The following TGM2 variants were observed in gnomAD, a reference collection of about 807,000 sequenced individuals.
The protein encoded by TGM2 is transglutaminase 2, also known as protein-glutamine gamma-glutamyltransferase 2.
A neutral mutation model predicts 75.6 loss-of-function variants in TGM2; 53 were observed. The ratio of observed to expected loss-of-function variants is 0.70; its 90% CI spans 0.56 to 0.88. The LOEUF is 0.88. Among genes scored for constraint, TGM2 ranks in the 40% least tolerant of loss-of-function variants. The probability of loss-of-function intolerance (pLI) is 0.00; values close to 1 mark genes in which losing one functional copy is unlikely to be tolerated. For missense variants in TGM2, 842 were observed against 928.5 expected, an observed-to-expected ratio of 0.91 and a Z score of 1.21; for synonymous variants, 374 against 381.1, an observed-to-expected ratio of 0.98 and a Z score of 0.22.
At position 38,148,005 on chromosome 20, in the gene TGM2, G is replaced by T. The variant is rs771803303; in HGVS notation, c.637C>A (p.Arg213Ser). 6.2e-7 allele frequency: 1 copy of T among 1,610,248 alleles called. No individual in the cohort carries two copies. The highest frequency in any genetic ancestry group is 1.3e-5 in the African/African-American group (1 of 74,890). Residue 213 changes from arginine (R) to serine (S), a missense_variant, in exon 5 of 13, where the codon CGC becomes AGC. Arg to Ser is a moderately radical substitution (Grantham distance 110, BLOSUM62 -1). Coordinates refer to ENST00000361475, the MANE Select transcript of TGM2 (RefSeq NM_004613.4). ...FLKNAGRDCS[R>S]RSSPVYVGRV... The stretch of plus-strand genomic sequence containing the variant: ...CCCACGTAGACGGGGCTGCTGCGGC[G>T]GGAGCAGTCACGGCCGGCGTTCTTC...
Position 38,161,433 on chromosome 20 carries a change from G to A in TGM2, c.177C>T (p.Phe59=). ...NYEASVDSLT[F]SVVTGPAPSQ... is the part of the protein sequence containing the mutation. ...GCAGGTACTCACCGGTCACGACACT[G>A]AAGGTGAGACTGTCTACACTGGCCT... Residue 59 remains phenylalanine (F), a synonymous_variant, in exon 2 of 13, where the codon TTC becomes TTT. Coordinates refer to ENST00000361475, the MANE Select transcript of TGM2 (RefSeq NM_004613.4). The A allele has an allele frequency of 6.2e-7, 1 of 1,614,146 alleles. No individual in the cohort carries two copies. The highest frequency in any genetic ancestry group is 8.5e-7 in the Non-Finnish European group (1 of 1,180,004).
rs151155189 is a variant in TGM2 at position 38,153,616 on chromosome 20, C to A, written c.433+2231G>T. Among the ~76,000 whole-genome samples the A allele has an allele frequency of 5.1e-4, 78 of 151,632 alleles. 1 individual carries two copies. The East Asian group carries it at 0.014, about 28-fold the overall frequency. ...ACGGTGTATTGTGAGGGGAAAAAACCAAGTTGTAGGTTAATGTATACAGTG... is the reference window on the plus strand; with the variant it reads ...ACGGTGTATTGTGAGGGGAAAAAACAAAGTTGTAGGTTAATGTATACAGTG... On this transcript the variant is annotated intron_variant, in intron 3 of 12. Transcript: ENST00000361475.
At chr20:38,159,606 C>A (rs2075230902) in intron 2 of TGM2, among the ~76,000 whole-genome samples, 1 of 152,214 alleles carries the variant, frequency 6.6e-6, no homozygotes, top group Non-Finnish European at 1.5e-5. Context: ...ATCTACCATT[C>A]CATTTCACAG....
chr20:38,143,179 T>C (rs1252149587), intron 6 of TGM2, among the ~76,000 whole-genome samples: 3 of 152,002 alleles, frequency 2.0e-5, no homozygotes, highest in South Asian at 4.2e-4. Context: ...GAAGGAGTGA[T>C]TGAATGACTG....
chr20:38,152,835 C>G (rs926678072), intron 3 of TGM2, among the ~76,000 whole-genome samples: 11 of 152,234 alleles, frequency 7.2e-5, no homozygotes, highest in Non-Finnish European at 1.3e-4. Flanking sequence ...CTTGGCTGAC[C>G]GCCACTCCAA....
Position 38,155,856 on chromosome 20 carries a change from A to C in TGM2, c.424T>G (p.Trp142Gly). 6.3e-7 allele frequency: 1 copy of C among 1,598,272 alleles called. No individual in the cohort carries two copies. The highest frequency in any genetic ancestry group is 8.5e-7 in the Non-Finnish European group (1 of 1,173,198). The change falls in exon 3 of 13, where the codon TGG (tryptophan) becomes GGG (glycine). Residue 142 changes from tryptophan (W) to glycine (G), a missense_variant. Coordinates refer to ENST00000361475, the MANE Select transcript of TGM2 (RefSeq NM_004613.4). ...LGHFILLFNA[W>G]CPADAVYLDS... The stretch of plus-strand genomic sequence containing the variant: ...ATGGCGTGTGGCTCACCTGGGCACC[A>C]GGCGTTGAAGAGCAAAATGAAGTGG...
intron 2 of TGM2, among the ~76,000 whole-genome samples, chr20:38,161,120 G>A (rs2122970733): frequency 6.6e-6 from 1 of 152,274 alleles, no homozygotes; most frequent in East Asian, 1.9e-4. Context: ...ATGGGATCCT[G>A]ATCAACTTTC....
At chr20:38,150,156 A>C (rs1170122522) in intron 4 of TGM2, among the ~76,000 whole-genome samples, 2 of 152,200 alleles carry the variant, frequency 1.3e-5, no homozygotes, top group African/African-American at 4.8e-5. Context: ...TGGCTGGATG[A>C]TAAATGAAAT....
intron 3 of TGM2, among the ~76,000 whole-genome samples, chr20:38,152,336 G>A (rs1217358693): frequency 6.6e-6 from 1 of 152,154 alleles, no homozygotes; most frequent in Non-Finnish European, 1.5e-5. Context: ...TCGTAGTGAG[G>A]AAAAATGGGA....
intron 3 of TGM2, among the ~76,000 whole-genome samples, chr20:38,153,481 C>T (rs1027014369): frequency 1.5e-5 from 2 of 136,200 alleles, no homozygotes; most frequent in Admixed American, 1.7e-4. Flanking sequence ...GGCGAGATTG[C>T]ACCACTGCAC....
chr20:38,139,118 T>C (rs1428121230), intron 9 of TGM2, among the ~76,000 whole-genome samples: 1 of 152,240 alleles, frequency 6.6e-6, no homozygotes, highest in Non-Finnish European at 1.5e-5. Context: ...TTGAATTGGC[T>C]GTTCGATGTG....
At chr20:38,149,725 GA>G (rs1246384453) in intron 4 of TGM2, among the ~76,000 whole-genome samples, 1 of 128,358 alleles carries the variant, frequency 7.8e-6, no homozygotes. Context: ...AATAAAGGAA[GA>G]ACTTGACTTT....
chr20:38,130,391 T>C (rs1442920900), intron 12 of TGM2, 22 bp from the exon 13 acceptor site: 1 of 1,572,528 alleles, frequency 6.4e-7, no homozygotes, highest in Admixed American at 1.9e-5. Flanking sequence ...GAGGGGGTGG[T>C]GAGGAAAGGG....
chr20:38,152,804 G>A (rs1002482794), intron 3 of TGM2, among the ~76,000 whole-genome samples: 1 of 152,232 alleles, frequency 6.6e-6, no homozygotes, highest in Non-Finnish European at 1.5e-5. Flanking sequence ...CGGGATGTGG[G>A]TCACTTTAGT....
intron 1 of TGM2, among the ~76,000 whole-genome samples, chr20:38,163,994 A>G (rs939699118): frequency 6.6e-6 from 1 of 152,158 alleles, no homozygotes; most frequent in South Asian, 2.1e-4. Context: ...TGCACTTAGA[A>G]AGGGCCTAGG....
rs2074778959 is a variant in TGM2 at position 38,127,516 on chromosome 20, G to A, written c.*2703C>T. ...ATACTCATGAGTGCTTCGATGGTGGGGAATGAGATGAATGACCAAGTCTGC... is the reference window on the plus strand; with the variant it reads ...ATACTCATGAGTGCTTCGATGGTGGAGAATGAGATGAATGACCAAGTCTGC... On this transcript the variant is annotated 3_prime_UTR_variant, in exon 13 of 13. Coordinates refer to ENST00000361475, the MANE Select transcript of TGM2 (RefSeq NM_004613.4). 2 of 272,468 alleles carry A rather than the reference G, an allele frequency of 7.3e-6. No individual in the cohort carries two copies. Among genetic ancestry groups the A allele is most frequent in the Non-Finnish European group, 5.6e-6 (1 of 178,158 alleles). 16.9% of individuals were successfully genotyped at this position (272,468 alleles called of 1,614,324 possible).
Position 38,132,119 on chromosome 20 carries a change from A to C in TGM2, c.1776+221T>G, listed in dbSNP as rs566170414. On this transcript the variant is annotated intron_variant, in intron 11 of 12. Transcript: ENST00000361475. ...TAAGATCCCCAAATTCCATGACCCT[A>C]ACACTCTGGGATTTTCAGATTCATT... Among the ~76,000 whole-genome samples, 3 of 152,106 alleles carry C rather than the reference A, an allele frequency of 2.0e-5. No individual in the cohort carries two copies. In the East Asian group the frequency reaches 5.8e-4, roughly 29 times the overall value.
At chr20:38,144,371 T>A (rs1478650887) in intron 6 of TGM2, among the ~76,000 whole-genome samples, 4 of 152,216 alleles carry the variant, frequency 2.6e-5, no homozygotes, top group Non-Finnish European at 4.4e-5. Flanking sequence ...CAGCCTTGTC[T>A]GCCCATTCCC....
At position 38,132,333 on chromosome 20, in the gene TGM2, C is replaced by A; in HGVS notation, c.1776+7G>T. On this transcript the variant is annotated splice_region_variant and intron_variant, in intron 11 of 12. Coordinates refer to ENST00000361475, the MANE Select transcript of TGM2 (RefSeq NM_004613.4). ...GGGACCCTGCCCCTTGCCCAGCCTG[C>A]CCTTACCCGGATCTTGATTTCTGGA... 6.2e-7 allele frequency: 1 copy of A among 1,614,096 alleles called. No homozygotes were observed. Among genetic ancestry groups the A allele is most frequent in the Non-Finnish European group, 8.5e-7 (1 of 1,179,998 alleles).
Sources: allele counts gnomAD v4.1 joint callset (sites outside exome capture counted in the v4.1 genomes callset), GRCh38; gene constraint gnomAD v4.1.1; transcripts MANE v1.5; gene names NCBI Gene and HGNC (gene_info 2026-07-23, HGNC 2026-07-21).